The following AIFM1 variants were observed in gnomAD, a reference collection of about 807,000 sequenced individuals.
AIFM1 encodes the protein apoptosis inducing factor mitochondria associated 1, also known as apoptosis-inducing factor 1, mitochondrial.
In AIFM1, 3 loss-of-function variants were observed where a neutral mutation model predicts 51.7. That is an observed-to-expected ratio of 0.06 (90% confidence interval 0.03 to 0.15). AIFM1 has a LOEUF of 0.15. Ranked by LOEUF, AIFM1 falls within the 10% of genes least tolerant of loss-of-function variation. The probability of loss-of-function intolerance (pLI) is 1.00; values close to 1 mark genes in which losing one functional copy is unlikely to be tolerated. For synonymous variants in AIFM1, 178 were observed against 179.4 expected (o/e 0.99, Z 0.06); for missense variants, 330 against 476.8 (o/e 0.69, Z 2.87).
intron 1 of AIFM1, among the ~76,000 whole-genome samples, chrX:130,157,649 G>A (rs767711222): frequency 5.4e-5 from 6 of 111,947 alleles, no homozygotes; most frequent in South Asian, 7.3e-4. Flanking sequence ...CATGTGTCAC[G>A]AAATTCTTTT....
chrX:130,165,670 A>G lies in AIFM1; in HGVS notation c.-14T>C. 2 of 1,167,081 alleles carry G rather than the reference A, an allele frequency of 1.7e-6. No individual in the cohort carries two copies. The highest frequency in any genetic ancestry group is 1.2e-6 in the Non-Finnish European group (1 of 864,935). Reference sequence around the variant, plus strand: ...ACACCGGAACATTTCGGCGACCGCTATTCGGGACCTCCTCCTTCCCTTTCC... The same window carrying G: ...ACACCGGAACATTTCGGCGACCGCTGTTCGGGACCTCCTCCTTCCCTTTCC... On this transcript the variant is annotated 5_prime_UTR_variant, in exon 1 of 16. Coordinates refer to ENST00000287295, the MANE Select transcript of AIFM1 (RefSeq NM_004208.4).
intron 1 of AIFM1, among the ~76,000 whole-genome samples, chrX:130,158,063 G>A (rs1248951048): frequency 9.1e-6 from 1 of 110,102 alleles, no homozygotes; most frequent in Non-Finnish European, 1.9e-5. Context: ...GGGAGTTAGA[G>A]ACCAGCCTGA....
chrX:130,159,605 T>A (rs908133518), intron 1 of AIFM1, among the ~76,000 whole-genome samples: 15 of 111,014 alleles, frequency 1.4e-4, no homozygotes, highest in African/African-American at 4.6e-4. Flanking sequence ...AAAATAAATT[T>A]TTTTTGTTTT....
In AIFM1 at chrX:130,130,059, C is replaced by T. The variant is rs941734227; in HGVS notation, c.1681G>A (p.Gly561Ser). ...PQAPVQGEDY[G>S]KGVIFYLRDK... ...CTGAGGTAGAAGATGACACCTTTGC[C>T]GTAGTCCTCCCCCTGGACGGGAGCC... The change falls in exon 15 of 16, where the codon GGC (glycine) becomes AGC (serine). Residue 561 changes from glycine to serine, a missense_variant. By Grantham distance (56) the Gly-to-Ser change is moderately conservative. This residue lies in a region of AIFM1 where 56 missense variants were observed against 48.8 expected (regional missense o/e 1.15). Transcript: ENST00000287295. 21 of 1,209,900 alleles carry T rather than the reference C, an allele frequency of 1.7e-5. No homozygotes were observed. Among genetic ancestry groups the T allele is most frequent in the African/African-American group, 5.3e-5 (3 of 57,121 alleles).
intron 6 of AIFM1, among the ~76,000 whole-genome samples, chrX:130,141,869 G>C (rs2030589924): frequency 8.9e-6 from 1 of 111,787 alleles, no homozygotes; most frequent in African/African-American, 3.3e-5. Context: ...TCCTATGCTT[G>C]CTTTCAATTT....
At chrX:130,148,922 C>CTTTTTT (rs11292355) in intron 3 of AIFM1, among the ~76,000 whole-genome samples, 7 of 68,365 alleles carry the variant, frequency 1.0e-4, no homozygotes, top group Admixed American at 1.9e-4. Context: ...TTTTAAGAGA[C>CTTTTTT]TTTTTTTTTT....
intron 1 of AIFM1, among the ~76,000 whole-genome samples, chrX:130,157,746 C>A (rs1003887873): frequency 9.2e-6 from 1 of 109,181 alleles, no homozygotes; most frequent in Non-Finnish European, 1.9e-5. Context: ...GTGGGCAGAT[C>A]ACGAGGTCAA....
In AIFM1 at chrX:130,154,341, C is replaced by T. The variant is rs182725739; in HGVS notation, c.249+2120G>A. Among the ~76,000 whole-genome samples the T allele has an allele frequency of 3.2e-3, 363 of 112,034 alleles. 2 individuals are homozygous for T. Among genetic ancestry groups the T allele is most frequent in the Non-Finnish European group, 3.6e-3 (194 of 53,241 alleles). On this transcript the variant is annotated intron_variant, in intron 2 of 15. Transcript: ENST00000287295. ...GCCATCCAACTCTGGTACAGCAACACGGACCAGGAATTTATCAGGTTTAAA... is the reference window on the plus strand; with the variant it reads ...GCCATCCAACTCTGGTACAGCAACATGGACCAGGAATTTATCAGGTTTAAA...
chrX:130,129,878 G>T, intron 15 of AIFM1, 92 bp downstream of exon 15: 1 of 1,066,057 alleles, frequency 9.4e-7, no homozygotes, highest in Non-Finnish European at 1.3e-6. Flanking sequence ...CCTGGCCGGG[G>T]GACAATGCAT....
intron 11 of AIFM1, 91 bp from the exon 12 acceptor site, chrX:130,136,276 G>A: frequency 1.9e-6 from 2 of 1,070,394 alleles, no homozygotes; most frequent in Non-Finnish European, 1.3e-6. Flanking sequence ...ATTAAGAATT[G>A]GGACTTTAAA....
chrX:130,148,738 C>T (rs905573322), intron 3 of AIFM1, among the ~76,000 whole-genome samples: 19 of 89,812 alleles, frequency 2.1e-4, no homozygotes, highest in African/African-American at 4.7e-4. Flanking sequence ...GAGGCTGAGG[C>T]GGGAGAATTG....
chrX:130,159,160 C>T (rs2031268921), intron 1 of AIFM1, among the ~76,000 whole-genome samples: 1 of 111,999 alleles, frequency 8.9e-6, no homozygotes, highest in South Asian at 3.7e-4. Flanking sequence ...AAAGTAGCCT[C>T]TCTCCAGTTC....
intron 6 of AIFM1, 112 bp from the exon 7 acceptor site, chrX:130,140,729 G>T: frequency 1.7e-6 from 1 of 600,222 alleles, no homozygotes; most frequent in South Asian, 2.4e-5. Context: ...GGAATTCTGT[G>T]GATTTCAGTA....
Position 130,156,550 on chromosome X carries a change from T to A in AIFM1, c.160A>T (p.Met54Leu). ...VPLELQMTRQ[M>L]ASSGASGGKI... ...CCCCCTGATGCACCAGAGCTAGCCA[T>A]TTGTCTTGTCATCTGGAGTTCTAGA... Residue 54 changes from methionine (M) to leucine (L), a missense_variant, in exon 2 of 16, where the codon ATG becomes TTG. Physicochemically the swap from Met to Leu is conservative, Grantham distance 15. Transcript: ENST00000287295. 8.3e-7 allele frequency: 1 copy of A among 1,211,636 alleles called. No individual in the cohort carries two copies. The highest frequency in any genetic ancestry group is 1.1e-6 in the Non-Finnish European group (1 of 895,363).
chrX:130,135,897 T>C (rs2030314411), intron 12 of AIFM1, 148 bp downstream of exon 12: 1 of 772,850 alleles, frequency 1.3e-6, no homozygotes, highest in Admixed American at 2.4e-5. Flanking sequence ...AATCAAGCAG[T>C]TCACACATTT....
intron 14 of AIFM1, among the ~76,000 whole-genome samples, chrX:130,130,444 G>C (rs1277801937): frequency 8.9e-6 from 1 of 111,968 alleles, no homozygotes; most frequent in East Asian, 2.8e-4. Flanking sequence ...TTCATGCTAT[G>C]AATATTTCCT....
chrX:130,165,506 C>A (rs1379121714), intron 1 of AIFM1, 45 bp downstream of exon 1: 1 of 1,079,913 alleles, frequency 9.3e-7, no homozygotes, highest in Admixed American at 2.6e-5. Context: ...GAGCCTAAGG[C>A]GCCAGGCCCT....
At chrX:130,135,816 C>A (rs1218489875) in intron 12 of AIFM1, among the ~76,000 whole-genome samples, 1 of 111,498 alleles carries the variant, frequency 9.0e-6, no homozygotes, top group South Asian at 3.7e-4. Flanking sequence ...AAGAGCTCTA[C>A]CCCTGCAGGC....
intron 5 of AIFM1, 59 bp from the exon 6 acceptor site, chrX:130,145,628 C>T (rs1209415532): frequency 7.6e-6 from 7 of 922,245 alleles, no homozygotes; most frequent in Non-Finnish European, 3.1e-6. Context: ...CAGCTTCCCC[C>T]GTAGCTTTAA....
Sources: gnomAD v4.1 joint callset for allele counts (sites outside exome capture counted in the v4.1 genomes callset) on GRCh38, gnomAD v4.1.1 for gene constraint, gnomAD v4.1.1 regional missense constraint, MANE v1.5 for transcripts, NCBI Gene and HGNC (gene_info 2026-07-23, HGNC 2026-07-21) for gene names.